The following PTPA variants were observed in gnomAD, a reference collection of about 807,000 sequenced individuals.
The protein encoded by PTPA is protein phosphatase 2 phosphatase activator, also known as serine/threonine-protein phosphatase 2A activator.
In PTPA, 13 loss-of-function variants were observed where a neutral mutation model predicts 43.6. The ratio of observed to expected loss-of-function variants is 0.30; its 90% CI spans 0.19 to 0.47. The LOEUF is 0.47. Among genes scored for constraint, PTPA ranks in the 20% least tolerant of loss-of-function variants. The pLI is 0.99. For missense variants in PTPA, 329 were observed against 411.9 expected (o/e 0.80, Z 1.74); for synonymous variants, 172 against 158.2 (o/e 1.09, Z -0.66).
chr9:129,111,059 G>T (rs76817874), upstream of PTPA: 24 of 1,368,320 alleles, frequency 1.8e-5, no homozygotes, highest in East Asian at 5.9e-4. Context: ...TTCCAACTCC[G>T]TCTGGTGTCC....
intron 3 of PTPA, among the ~76,000 whole-genome samples, chr9:129,127,133 CT>C (rs900419668): frequency 6.6e-6 from 1 of 152,202 alleles, no homozygotes; most frequent in African/African-American, 2.4e-5. Flanking sequence ...TCCTAGCCCT[CT>C]GCCTTAGCCA....
In PTPA at chr9:129,129,010, T is replaced by C; in HGVS notation, c.242T>C (p.Leu81Pro). ...SEAIEKLVAL[L>P]NTLDRWIDET... ...GCCATTGAGAAACTAGTCGCTCTTC[T>C]CAACACGCTGGACAGGTGGATTGAT... Residue 81 changes from leucine (L) to proline (P), a missense_variant, in exon 4 of 10, where the codon CTC (leucine) becomes CCC (proline). Transcript: ENST00000393370. 1.9e-6 allele frequency: 3 copies of C among 1,613,180 alleles called. No individual in the cohort carries two copies. The highest frequency in any genetic ancestry group is 1.1e-5 in the South Asian group (1 of 91,032).
chr9:129,111,659 G>A, intron 1 of PTPA, 28 bp downstream of exon 1: 1 of 1,278,770 alleles, frequency 7.8e-7, no homozygotes, highest in Non-Finnish European at 9.9e-7. Context: ...AGGCCGGGCC[G>A]GGGTCGGGTA....
At chr9:129,126,827 C>G (rs1044161149) in intron 3 of PTPA, among the ~76,000 whole-genome samples, 1 of 152,164 alleles carries the variant, frequency 6.6e-6, no homozygotes, top group Non-Finnish European at 1.5e-5. Context: ...AAGCCCTCTC[C>G]TGAAGAGGAG....
rs749754875 is a variant in PTPA, at chr9:129,131,632, C to T, written c.453C>T (p.Tyr151=). 15 of 1,613,848 alleles carry T rather than the reference C, an allele frequency of 9.3e-6. No homozygotes were observed. Among genetic ancestry groups the T allele is most frequent in the East Asian group, 4.5e-5 (2 of 44,882 alleles). The change falls in exon 5 of 10, where the codon TAC becomes TAT. Residue 151 remains tyrosine, a synonymous_variant. Coordinates refer to ENST00000393370, the MANE Select transcript of PTPA (RefSeq NM_178000.3). ...TGGGGAACTCCACGCGCATTGACTA[C>T]GGCACAGGTATCTGCTGCTTGTGGG... ...ESVGNSTRID[Y]GTGHEAAFAA... is the part of the protein sequence containing the mutation.
chr9:129,137,208 C>T (rs1348796570), intron 7 of PTPA, among the ~76,000 whole-genome samples: 1 of 152,214 alleles, frequency 6.6e-6, no homozygotes, highest in African/African-American at 2.4e-5. Flanking sequence ...CATTGCCTCC[C>T]CGAATCTTCT....
chr9:129,115,005 A>G (rs1392995489), intron 1 of PTPA, among the ~76,000 whole-genome samples: 1 of 151,524 alleles, frequency 6.6e-6, no homozygotes, highest in Non-Finnish European at 1.5e-5. Context: ...CCCTTTTTTT[A>G]TTTTTATTTT....
chr9:129,115,723 T>C (rs1259811237), intron 1 of PTPA, among the ~76,000 whole-genome samples: 1 of 151,938 alleles, frequency 6.6e-6, no homozygotes, highest in African/African-American at 2.4e-5. Flanking sequence ...CACTGTAACC[T>C]CTGCCTCCTG....
chr9:129,112,660 G>A (rs545475749), intron 1 of PTPA, among the ~76,000 whole-genome samples: 1 of 152,308 alleles, frequency 6.6e-6, no homozygotes, highest in South Asian at 2.1e-4. Flanking sequence ...AGGATGTCCA[G>A]GCCAGGCGCG....
At chr9:129,132,652 T>G (rs1850057862) in intron 5 of PTPA, among the ~76,000 whole-genome samples, 2 of 152,154 alleles carry the variant, frequency 1.3e-5, no homozygotes, top group Non-Finnish European at 2.9e-5. Flanking sequence ...CTGGCTAATT[T>G]TAGTGTTTTT....
chr9:129,142,635 G>A, intron 9 of PTPA, 83 bp downstream of exon 9: 1 of 1,577,002 alleles, frequency 6.3e-7, no homozygotes, highest in Non-Finnish European at 8.6e-7. Context: ...TGTGGAACCT[G>A]GGGCTCCTGC....
chr9:129,119,066 T>G (rs759358791), intron 1 of PTPA: 3 of 172,504 alleles, frequency 1.7e-5, no homozygotes, highest in African/African-American at 7.2e-5. Flanking sequence ...TGGTATGATC[T>G]CAGCTCACTG....
chr9:129,146,839 T>A (rs1851335730), intron 9 of PTPA, among the ~76,000 whole-genome samples: 1 of 152,148 alleles, frequency 6.6e-6, no homozygotes, highest in Admixed American at 6.5e-5. Context: ...GCGCTCTTTT[T>A]CCCCTGCCCC....
intron 3 of PTPA, among the ~76,000 whole-genome samples, chr9:129,127,323 C>G (rs969679368): frequency 1.3e-5 from 2 of 152,230 alleles, no homozygotes; most frequent in African/African-American, 2.4e-5. Flanking sequence ...ACATACATAG[C>G]TCTTGGCTGA....
chr9:129,111,193 GA>G, upstream of PTPA: 2 of 1,086,132 alleles, frequency 1.8e-6, no homozygotes. Context: ...CGGGACAGGA[GA>G]CTGTCCCGGA....
intron 8 of PTPA, 60 bp from the exon 9 acceptor site, chr9:129,142,385 G>A: frequency 6.8e-7 from 1 of 1,478,138 alleles, no homozygotes; most frequent in Non-Finnish European, 9.2e-7. Context: ...TGCTGCAGGG[G>A]AGGAGGGATG....
At chr9:129,137,058 CAGAG>C (rs1194975963) in intron 7 of PTPA, among the ~76,000 whole-genome samples, 1 of 152,336 alleles carries the variant, frequency 6.6e-6, no homozygotes, top group South Asian at 2.1e-4. Context: ...CTGTGGGGCT[CAGAG>C]AGGCCTGCTC....
chr9:129,113,653 G>T (rs1848689784), intron 1 of PTPA, among the ~76,000 whole-genome samples: 1 of 151,788 alleles, frequency 6.6e-6, no homozygotes, highest in Admixed American at 6.6e-5. Context: ...GTCTGTAATC[G>T]CAGCTACTCG....
Position 129,126,504 on chromosome 9 carries a change from C to T in PTPA, c.217-2481C>T, listed in dbSNP as rs528953447. 2.7e-3 allele frequency among the ~76,000 whole-genome samples: 406 copies of T among 152,158 alleles called. 4 individuals are homozygous for T. Among genetic ancestry groups the T allele is most frequent in the Non-Finnish European group, 2.5e-3 (171 of 68,006 alleles). On this transcript the variant is annotated intron_variant, in intron 3 of 9. Transcript: ENST00000393370. ...CAGCTAGCTCTTATTTTAAATGATG[C>T]CTGTCCTCCTCTTATGGGGGTTAAC...
Sources: allele counts gnomAD v4.1 joint callset (sites outside exome capture counted in the v4.1 genomes callset), GRCh38; gene constraint gnomAD v4.1.1; transcripts MANE v1.5; gene names NCBI Gene and HGNC (gene_info 2026-07-23, HGNC 2026-07-21).